The following RARB variants were observed in gnomAD, a reference collection of about 807,000 sequenced individuals.
RARB encodes the protein retinoic acid receptor beta.
In RARB, 17 loss-of-function variants were observed where a neutral mutation model predicts 51.9. The observed-to-expected ratio is 0.33, with a 90% CI of 0.22 to 0.49. The LOEUF (loss-of-function observed/expected upper bound fraction) is 0.49, where lower values mean the gene tolerates loss of function less well. RARB is among the 20% of genes least tolerant of loss of function. The pLI, the probability that RARB is intolerant of heterozygous loss-of-function variation, is 0.99. For missense variants in RARB, 369 were observed against 550.8 expected (o/e 0.67, Z 3.30); for synonymous variants, 215 against 195.4 (o/e 1.10, Z -0.84).
chr3:25,067,634 A>G (rs1042826684), intron 3 of RARB, among the ~76,000 whole-genome samples: 1 of 152,120 alleles, frequency 6.6e-6, no homozygotes, highest in Admixed American at 6.5e-5. Context: ...TACCATACCT[A>G]CCCTGTAAAA....
chr3:24,854,120 T>G (rs1343969251), intron 1 of RARB, among the ~76,000 whole-genome samples: 11 of 152,222 alleles, frequency 7.2e-5, no homozygotes, highest in Non-Finnish European at 1.0e-4. Context: ...TTTGACAGTT[T>G]GTTTCTTTTG....
chr3:24,951,411 G>A (rs1695888176), intron 2 of RARB, among the ~76,000 whole-genome samples: 1 of 152,190 alleles, frequency 6.6e-6, no homozygotes, highest in African/African-American at 2.4e-5. Flanking sequence ...GTTAGGCTTT[G>A]TCTTAGGGCA....
intron 5 of RARB, among the ~76,000 whole-genome samples, chr3:25,408,093 T>G (rs1053840058): frequency 6.6e-6 from 1 of 152,196 alleles, no homozygotes; most frequent in Admixed American, 6.5e-5. Context: ...CTTGTCTCAA[T>G]GTCTGTTTCT....
chr3:25,304,243 A>G (rs1413667198), intron 5 of RARB, among the ~76,000 whole-genome samples: 1 of 152,138 alleles, frequency 6.6e-6, no homozygotes, highest in South Asian at 2.1e-4. Context: ...AGTGCTTTCT[A>G]AGAAGGCTTC....
intron 5 of RARB, among the ~76,000 whole-genome samples, chr3:25,226,255 G>T (rs1702053644): frequency 6.6e-6 from 1 of 152,110 alleles, no homozygotes; most frequent in Non-Finnish European, 1.5e-5. Context: ...CAATATTACA[G>T]TATTGAAGTT....
intron 2 of RARB, among the ~76,000 whole-genome samples, chr3:24,943,282 A>C (rs1029636252): frequency 1.3e-5 from 2 of 152,216 alleles, no homozygotes; most frequent in Non-Finnish European, 2.9e-5. Flanking sequence ...GGTTATTAAG[A>C]ATGTAATTCT....
At chr3:25,131,486 T>C (rs1039093057) in intron 3 of RARB, among the ~76,000 whole-genome samples, 3 of 152,068 alleles carry the variant, frequency 2.0e-5, no homozygotes, top group Non-Finnish European at 4.4e-5. Context: ...TGTACATTTT[T>C]ATCATGGCAG....
chr3:25,317,897 C>G (rs1704469999), intron 5 of RARB, among the ~76,000 whole-genome samples: 1 of 145,308 alleles, frequency 6.9e-6, no homozygotes, highest in African/African-American at 2.5e-5. Context: ...TCACACCACC[C>G]AGCCTGTCTG....
At chr3:24,958,275 T>TG (rs1559411556) in intron 2 of RARB, among the ~76,000 whole-genome samples, 3 of 141,344 alleles carry the variant, frequency 2.1e-5, no homozygotes, top group African/African-American at 7.7e-5. Flanking sequence ...TTTTTTTTTT[T>TG]TTTTTTTTTT....
chr3:25,548,044 A>C (rs1699687385), intron 3 of RARB, among the ~76,000 whole-genome samples: 1 of 151,464 alleles, frequency 6.6e-6, no homozygotes, highest in African/African-American at 2.4e-5. Context: ...AGCTTGAGTG[A>C]CATAAATCTG....
At chr3:25,214,783 A>G (rs752980374) in intron 5 of RARB, among the ~76,000 whole-genome samples, 1 of 152,208 alleles carries the variant, frequency 6.6e-6, no homozygotes, top group Non-Finnish European at 1.5e-5. Flanking sequence ...TGAAAGGATA[A>G]CATTGCTGTT....
At chr3:25,133,331 C>T (rs1198539599) in intron 4 of RARB, among the ~76,000 whole-genome samples, 1 of 151,878 alleles carries the variant, frequency 6.6e-6, no homozygotes, top group African/African-American at 2.4e-5. Flanking sequence ...GGTTATGGAG[C>T]ATTTCTTAAA....
At chr3:25,136,900 T>C (rs1009025089) in intron 4 of RARB, among the ~76,000 whole-genome samples, 1 of 152,008 alleles carries the variant, frequency 6.6e-6, no homozygotes, top group Non-Finnish European at 1.5e-5. Context: ...TTTGGCAAGT[T>C]GGGCCAAGAT....
intron 3 of RARB, among the ~76,000 whole-genome samples, chr3:25,554,542 T>G (rs1055962059): frequency 3.9e-5 from 6 of 152,058 alleles, no homozygotes; most frequent in Admixed American, 1.3e-4. Flanking sequence ...CCTACAACAT[T>G]TCTATCTGGC....
chr3:25,466,075 T>C (rs530757058), intron 2 of RARB, among the ~76,000 whole-genome samples: 1 of 152,192 alleles, frequency 6.6e-6, no homozygotes, highest in Non-Finnish European at 1.5e-5. Flanking sequence ...TACCTCATGG[T>C]ATTGTTGTGA....
At chr3:25,104,452 G>C (rs1272683730) in intron 3 of RARB, among the ~76,000 whole-genome samples, 2 of 152,022 alleles carry the variant, frequency 1.3e-5, no homozygotes, top group African/African-American at 4.8e-5. Context: ...GACAAGCCTG[G>C]GCAACATGGG....
chr3:24,994,692 A>G (rs762027139), intron 2 of RARB, among the ~76,000 whole-genome samples: 3 of 151,884 alleles, frequency 2.0e-5, no homozygotes, highest in African/African-American at 4.8e-5. Context: ...AGGGGGACAT[A>G]TGGTTTCATT....
intron 1 of RARB, among the ~76,000 whole-genome samples, chr3:25,440,278 C>T (rs1222204027): frequency 6.6e-6 from 1 of 151,786 alleles, no homozygotes; most frequent in African/African-American, 2.4e-5. Flanking sequence ...ACGGCAGAAC[C>T]CTGTCTCTAC....
chr3:25,112,079 G>A (rs1016777004), intron 3 of RARB, among the ~76,000 whole-genome samples: 5 of 152,162 alleles, frequency 3.3e-5, no homozygotes, highest in Non-Finnish European at 5.9e-5. Flanking sequence ...GCAGCTGTTC[G>A]GTGTTTTGAT....
Sources: allele counts gnomAD v4.1 joint callset (sites outside exome capture counted in the v4.1 genomes callset), GRCh38; gene constraint gnomAD v4.1.1; transcripts MANE v1.5; gene names NCBI Gene and HGNC (gene_info 2026-07-23, HGNC 2026-07-21).